UTP20: variants seen among roughly 807,000 people sequenced by gnomAD.
UTP20 encodes UTP20 small subunit processome component, also known as small subunit processome component 20 homolog.
UTP20 carries 164 observed loss-of-function variants against 329.5 expected under a neutral mutation model. The ratio of observed to expected loss-of-function variants is 0.50; its 90% CI spans 0.44 to 0.57. The LOEUF (loss-of-function observed/expected upper bound fraction) is 0.57. Ranked by LOEUF, UTP20 falls within the 20% of genes least tolerant of loss-of-function variation. The pLI is 0.00. For missense variants in UTP20, 3,055 were observed against 3,284.2 expected (o/e 0.93, Z 1.71); for synonymous variants, 1,151 against 1,159.3 (o/e 0.99, Z 0.14).
In UTP20 at chr12:101,317,370, T is replaced by C. The variant is rs894512465; in HGVS notation, c.2553-108T>C. On this transcript the variant is annotated intron_variant, in intron 21 of 61. Coordinates refer to ENST00000261637, the MANE Select transcript of UTP20 (RefSeq NM_014503.3). Reference sequence around the variant, plus strand: ...TTGCCTAAGGTACCACTATGTCTCTTCAGTGTGTGATTCTGTGAACTGTGG... The same window carrying C: ...TTGCCTAAGGTACCACTATGTCTCTCCAGTGTGTGATTCTGTGAACTGTGG... The C allele has an allele frequency of 4.1e-5, 50 of 1,218,740 alleles. No homozygotes were observed. The East Asian group carries it at 1.2e-3, about 29-fold the overall frequency. The allele number at this position is 1,218,740 out of a possible 1,614,324, so 75.5% of individuals were successfully genotyped here. A position where few individuals can be genotyped will look rare whatever the true frequency, so the allele number is the denominator to read the frequency against.
At position 101,358,550 on chromosome 12, in the gene UTP20, G is replaced by T. The variant is rs187402707; in HGVS notation, c.5691+1468G>T. 1.7e-3 allele frequency among the ~76,000 whole-genome samples: 259 copies of T among 152,294 alleles called. 2 individuals are homozygous for T. The highest frequency in any genetic ancestry group is 2.8e-3 in the Non-Finnish European group (188 of 68,028). ...GGGTGTCCTTTAGCAATGTGGTGGA[G>T]CAGGCATGGTGGGAACAGATTCTGT... On this transcript the variant is annotated intron_variant, in intron 43 of 61. Transcript: ENST00000261637.
intron 25 of UTP20, among the ~76,000 whole-genome samples, chr12:101,326,662 G>A (rs1868568615): frequency 6.6e-6 from 1 of 151,398 alleles, no homozygotes; most frequent in East Asian, 1.9e-4. Context: ...ACTTACCTTT[G>A]ATTTGCCTAC....
intron 2 of UTP20, among the ~76,000 whole-genome samples, chr12:101,283,712 A>T (rs1175838053): frequency 6.6e-6 from 1 of 152,210 alleles, no homozygotes. Flanking sequence ...AAAAATTTTA[A>T]TATTTTTACT....
At chr12:101,290,953 CA>C (rs2137233998) in intron 8 of UTP20, 65 bp downstream of exon 8, 1 of 1,518,156 alleles carries the variant, frequency 6.6e-7, no homozygotes, top group East Asian at 2.3e-5. Context: ...TTTCTGCTCT[CA>C]GTTTTGCAAA....
intron 54 of UTP20, 41 bp downstream of exon 54, chr12:101,373,808 G>A: frequency 6.3e-7 from 1 of 1,582,198 alleles, no homozygotes; most frequent in Non-Finnish European, 8.6e-7. Flanking sequence ...ACAAGTCTTA[G>A]CTTTGGGGAT....
Position 101,342,588 on chromosome 12 carries a change from A to G in UTP20, c.4244A>G (p.Glu1415Gly). The change falls in exon 33 of 62, where the codon GAG (glutamate) becomes GGG (glycine). Residue 1415 changes from glutamate to glycine, a missense_variant and splice_region_variant. By Grantham distance (98) the Glu-to-Gly change is moderately conservative (BLOSUM62 -2). Coordinates refer to ENST00000261637, the MANE Select transcript of UTP20 (RefSeq NM_014503.3). ...LSRKLLCTVF[E>G]TLSDFESGLK... is the part of the protein sequence containing the mutation. Reference sequence around the variant, plus strand: ...AGAAAATTGCTTTGTACGGTTTTTGAGGTCTGTACTATTCATTTTTACTCC... The same window carrying G: ...AGAAAATTGCTTTGTACGGTTTTTGGGGTCTGTACTATTCATTTTTACTCC... 6.2e-7 allele frequency: 1 copy of G among 1,603,272 alleles called. No homozygotes were observed. Among genetic ancestry groups the G allele is most frequent in the Non-Finnish European group, 8.5e-7 (1 of 1,177,248 alleles).
In UTP20 at chr12:101,299,774, C is replaced by T. The variant is rs761592473; in HGVS notation, c.1523C>T (p.Pro508Leu). The T allele has an allele frequency of 3.1e-6, 5 of 1,613,110 alleles. No individual in the cohort carries two copies. The highest frequency in any genetic ancestry group is 4.2e-6 in the Non-Finnish European group (5 of 1,179,732). Residue 508 changes from proline to leucine, a missense_variant, in exon 13 of 62, where the codon CCA (proline) becomes CTA (leucine). Transcript: ENST00000261637. ...DHLLSIIKLP[P>L]NKDTTYLSQS... Reference sequence around the variant, plus strand: ...CTTTTATCTATAATTAAGTTACCCCCAAATAAAGATACTACTTACCTTTCA... The same window carrying T: ...CTTTTATCTATAATTAAGTTACCCCTAAATAAAGATACTACTTACCTTTCA...
intron 32 of UTP20, among the ~76,000 whole-genome samples, chr12:101,341,270 G>A (rs1333170756): frequency 1.3e-5 from 2 of 151,928 alleles, no homozygotes; most frequent in Admixed American, 6.6e-5. Context: ...GAGCCACCGC[G>A]CCCGGCCTCA....
intron 23 of UTP20, among the ~76,000 whole-genome samples, chr12:101,319,964 T>C (rs1873096471): frequency 6.6e-6 from 1 of 152,178 alleles, no homozygotes; most frequent in African/African-American, 2.4e-5. Flanking sequence ...AAGTGACTAC[T>C]TTTCCCTTCT....
At chr12:101,309,489 A>C (rs1420664162) in intron 18 of UTP20, among the ~76,000 whole-genome samples, 1 of 152,220 alleles carries the variant, frequency 6.6e-6, no homozygotes, top group Non-Finnish European at 1.5e-5. Flanking sequence ...TCATTAGTCA[A>C]ATCTGTTCAT....
chr12:101,382,426 A>G (rs909167228), intron 58 of UTP20, among the ~76,000 whole-genome samples: 42 of 152,110 alleles, frequency 2.8e-4, no homozygotes, highest in African/African-American at 9.2e-4. Flanking sequence ...AAAACAAAAC[A>G]AAACAAAAAA....
Position 101,334,438 on chromosome 12 carries a change from G to T in UTP20, c.3575G>T (p.Gly1192Val). The T allele has an allele frequency of 6.2e-7, 1 of 1,611,914 alleles. No homozygotes were observed. The highest frequency in any genetic ancestry group is 1.1e-5 in the South Asian group (1 of 90,988). ...TTTGTCTCCTAGATCAGCAGGCTTG[G>T]ATCTGAGAGTCAATATTCTCCTACT... ...GAVWPQISRL[G>V]SESQYSPTPL... is the part of the protein sequence containing the mutation. The change falls in exon 29 of 62, where the codon GGA becomes GTA. Residue 1192 changes from glycine to valine, a missense_variant. Coordinates refer to ENST00000261637, the MANE Select transcript of UTP20 (RefSeq NM_014503.3).
chr12:101,338,137 A>C lies in UTP20; in HGVS notation c.3728A>C (p.Asn1243Thr), dbSNP rs1181835553. Residue 1243 changes from asparagine (N) to threonine (T), a missense_variant, in exon 30 of 62, where the codon AAT becomes ACT. Transcript: ENST00000261637. ...GTTTTTGCAATTCTCTCAGCGAAGA[A>C]TCTTTCTGATGCCACAGCCAGTATT... is the stretch of plus-strand genomic sequence containing the variant. The part of the protein sequence containing the change: ...TNVFAILSAK[N>T]LSDATASIVM... 6.2e-7 allele frequency: 1 copy of C among 1,614,202 alleles called. No individual in the cohort carries two copies. Among genetic ancestry groups the C allele is most frequent in the East Asian group, 2.2e-5 (1 of 44,876 alleles).
At chr12:101,305,076 A>G (rs764696162) in intron 15 of UTP20, among the ~76,000 whole-genome samples, 3 of 151,422 alleles carry the variant, frequency 2.0e-5, no homozygotes, top group Non-Finnish European at 2.9e-5. Context: ...TCACCTCCAC[A>G]CCGTCTCCCC....
chr12:101,381,101 C>T, intron 57 of UTP20, 39 bp from the exon 58 acceptor site: 1 of 1,499,392 alleles, frequency 6.7e-7, no homozygotes, highest in Non-Finnish European at 9.3e-7. Context: ...TCAGAAATGT[C>T]CTGTGTTTTG....
Position 101,291,795 on chromosome 12 carries a change from T to G in UTP20, c.945T>G (p.Ser315Arg). 1 of 1,612,696 alleles carries G rather than the reference T, an allele frequency of 6.2e-7. No homozygotes were observed. Among genetic ancestry groups the G allele is most frequent in the Non-Finnish European group, 8.5e-7 (1 of 1,179,618 alleles). Reference protein sequence around the residue: ...TKVTKTNCCESSEQIKRLLET... With the variant: ...TKVTKTNCCERSEQIKRLLET... ...TAACAAAAACTAACTGTTGTGAAAG[T>G]TCTGAACAGATTAAAAGGTTGTTGG... The change falls in exon 9 of 62, where the codon AGT (serine) becomes AGG (arginine). Residue 315 changes from serine (S) to arginine (R), a missense_variant. Around this residue, in one of 3 missense-constraint regions of UTP20, gnomAD observed 2,445 missense variants for 2,575.5 expected, o/e 0.95. Transcript: ENST00000261637.
chr12:101,312,157 T>C lies in UTP20; in HGVS notation c.2433T>C (p.Cys811=). 2 of 1,614,202 alleles carry C rather than the reference T, an allele frequency of 1.2e-6. No individual in the cohort carries two copies. Among genetic ancestry groups the C allele is most frequent in the Non-Finnish European group, 1.7e-6 (2 of 1,180,036 alleles). Residue 811 remains cysteine, a synonymous_variant, in exon 21 of 62, where the codon TGT becomes TGC. Transcript: ENST00000261637. ...AGCAGTTAGCATTGAAAACTGACTG[T>C]CAGGAAAGACTTGACCACACCAACT... ...YHEQLALKTD[C]QERLDHTNFR...
intron 32 of UTP20, among the ~76,000 whole-genome samples, chr12:101,341,312 A>T (rs1869126712): frequency 1.1e-5 from 1 of 93,100 alleles, no homozygotes; most frequent in Admixed American, 1.1e-4. Flanking sequence ...TCACAGTGGC[A>T]AAACAGAATA....
In UTP20 at chr12:101,333,307, C is replaced by A. The variant is rs745522226; in HGVS notation, c.3424C>A (p.Leu1142Met). ...GAAGATCTTTGTTTTACAGATACAGCTGAGATTTATTAATCCATTGAAAAA... is the reference window on the plus strand; with the variant it reads ...GAAGATCTTTGTTTTACAGATACAGATGAGATTTATTAATCCATTGAAAAA... ...HILDQREKIQLRFINPLKNLR... is the reference protein window; with the variant it reads ...HILDQREKIQMRFINPLKNLR... The change falls in exon 28 of 62, where the codon CTG (leucine) becomes ATG (methionine). Residue 1142 changes from leucine (L) to methionine (M), a missense_variant. Around this residue, in one of 3 missense-constraint regions of UTP20, gnomAD observed 2,445 missense variants for 2,575.5 expected, o/e 0.95. Coordinates refer to ENST00000261637, the MANE Select transcript of UTP20 (RefSeq NM_014503.3). 6.2e-7 allele frequency: 1 copy of A among 1,613,064 alleles called. No homozygotes were observed. The highest frequency in any genetic ancestry group is 8.5e-7 in the Non-Finnish European group (1 of 1,179,542).
Sources: allele counts gnomAD v4.1 joint callset (sites outside exome capture counted in the v4.1 genomes callset), GRCh38; gene constraint gnomAD v4.1.1; regional missense constraint gnomAD v4.1.1; transcripts MANE v1.5; gene names NCBI Gene and HGNC (gene_info 2026-07-23, HGNC 2026-07-21).